IQSEC3: variants seen among roughly 807,000 people sequenced by gnomAD.
The protein encoded by IQSEC3 is IQ motif and SEC7 domain-containing protein 3.
In IQSEC3, 50 loss-of-function variants were observed where a neutral mutation model predicts 105.4. The observed-to-expected ratio is 0.47, with a 90% CI of 0.38 to 0.60. IQSEC3 has a LOEUF of 0.60. Ranked by LOEUF, IQSEC3 falls within the 20% of genes least tolerant of loss-of-function variation. IQSEC3 has a pLI of 0.00. For missense variants in IQSEC3, 1,415 were observed against 1,630.0 expected, an observed-to-expected ratio of 0.87 and a Z score of 2.27; for synonymous variants, 708 against 746.0, an observed-to-expected ratio of 0.95 and a Z score of 0.83.
At chr12:114,225 A>C (rs1412828434) in intron 2 of IQSEC3, among the ~76,000 whole-genome samples, 2 of 152,240 alleles carry the variant, frequency 1.3e-5, no homozygotes, top group Non-Finnish European at 2.9e-5. Flanking sequence ...CTAGAAATTC[A>C]GATATGACTA....
intron 5 of IQSEC3, among the ~76,000 whole-genome samples, chr12:155,208 G>A (rs553373334): frequency 3.3e-5 from 5 of 152,328 alleles, no homozygotes; most frequent in African/African-American, 1.2e-4. Flanking sequence ...CTCTCGCCTG[G>A]CTGGCTCTGG....
chr12:74,375 A>G (rs1863437693), intron 1 of IQSEC3, among the ~76,000 whole-genome samples: 1 of 152,242 alleles, frequency 6.6e-6, no homozygotes, highest in African/African-American at 2.4e-5. Context: ...AAAACAAATG[A>G]AAAAGAAAAG....
intron 7 of IQSEC3, among the ~76,000 whole-genome samples, chr12:158,354 T>C (rs1167892633): frequency 6.6e-6 from 1 of 152,358 alleles, no homozygotes; most frequent in Non-Finnish European, 1.5e-5. Context: ...TCTGTATCGA[T>C]AAACCGCAGG....
intron 1 of IQSEC3, among the ~76,000 whole-genome samples, chr12:93,030 T>G (rs1047686819): frequency 8.5e-5 from 13 of 152,242 alleles, no homozygotes; most frequent in Non-Finnish European, 1.5e-5. Flanking sequence ...TTGTGTGGCC[T>G]TTGCCTTTAT....
chr12:88,052 G>A (rs995417778), intron 1 of IQSEC3, among the ~76,000 whole-genome samples: 1 of 152,176 alleles, frequency 6.6e-6, no homozygotes. Flanking sequence ...GACTGGACAC[G>A]GCAGAGCTGG....
rs1591753250 is a variant in IQSEC3, at chr12:166,087, G to A, written c.2971+197G>A. 1.1e-5 allele frequency: 7 copies of A among 616,678 alleles called. No homozygotes were observed. In the South Asian group the frequency reaches 1.4e-4, roughly 12 times the overall value. 38.2% of individuals were successfully genotyped at this position (616,678 alleles called of 1,614,324 possible). On this transcript the variant is annotated intron_variant, in intron 11 of 13. Coordinates refer to ENST00000538872, the MANE Select transcript of IQSEC3 (RefSeq NM_001170738.2). ...CATGTTTCTTCACAATTAAAGTGAG[G>A]CTTGCTAGAGTGCACACACGTGTGT...
rs1246255023 is a variant in IQSEC3, at chr12:125,638, G to A, written c.629G>A (p.Gly210Asp). The A allele has an allele frequency of 2.5e-5, 38 of 1,504,348 alleles. No homozygotes were observed. Among genetic ancestry groups the A allele is most frequent in the Non-Finnish European group, 3.1e-5 (35 of 1,138,814 alleles). The allele number at this position is 1,504,348 out of a possible 1,614,324, so 93.2% of individuals were successfully genotyped here. Residue 210 changes from glycine to aspartate, a missense_variant, in exon 3 of 14, where the codon GGC becomes GAC. By Grantham distance (94) the Gly-to-Asp change is moderately conservative (BLOSUM62 -1). This residue lies in a region of IQSEC3 where 720 missense variants were observed against 633.0 expected (regional missense o/e 1.14). Transcript: ENST00000538872. ...CCGTTGCCTTCTGTTCACAGTGATG[G>A]CTCCTGCACCCAGGCCGGTGGGGGC... ...ACSDLASQSD[G>D]SCTQAGGGME...
Position 176,017 on chromosome 12 carries a change from C to T in IQSEC3, c.*984C>T, listed in dbSNP as rs1476773591. On this transcript the variant is annotated 3_prime_UTR_variant, in exon 14 of 14. Coordinates refer to ENST00000538872, the MANE Select transcript of IQSEC3 (RefSeq NM_001170738.2). The surrounding 1 kb of genome is among the most constrained non-coding windows in gnomAD (Gnocchi z 4.0). ...GCTCGGCCCGAGGCAGGGCTCCCTCCTGCATGAGTCTGTGGCCTCCAGGAG... is the reference window on the plus strand; with the variant it reads ...GCTCGGCCCGAGGCAGGGCTCCCTCTTGCATGAGTCTGTGGCCTCCAGGAG... 8.7e-5 allele frequency: 13 copies of T among 149,792 alleles called. No individual in the cohort carries two copies. Among genetic ancestry groups the T allele is most frequent in the Admixed American group, 3.9e-4 (6 of 15,222 alleles). The allele number at this position is 149,792 out of a possible 1,614,324, so 9.3% of individuals were successfully genotyped here.
intron 2 of IQSEC3, among the ~76,000 whole-genome samples, chr12:109,719 C>T (rs782273379): frequency 1.3e-5 from 2 of 152,184 alleles, no homozygotes; most frequent in Non-Finnish European, 2.9e-5. Context: ...TCCCCCAGCC[C>T]TGCCAACCTC....
chr12:124,369 A>G (rs542765418), intron 2 of IQSEC3, among the ~76,000 whole-genome samples: 1 of 146,958 alleles, frequency 6.8e-6, no homozygotes, highest in East Asian at 2.0e-4. Flanking sequence ...AGCCTGGGCA[A>G]CAAGAGTGAA....
intron 2 of IQSEC3, among the ~76,000 whole-genome samples, chr12:99,828 A>T (rs782352883): frequency 6.6e-6 from 1 of 151,960 alleles, no homozygotes; most frequent in Non-Finnish European, 1.5e-5. Context: ...CGCTTCCTGG[A>T]GTTCCGTCTC....
chr12:141,734 A>C (rs1555089346), intron 5 of IQSEC3: 3 of 167,572 alleles, frequency 1.8e-5, no homozygotes, highest in African/African-American at 7.1e-5. Flanking sequence ...AGAAAAAAGA[A>C]GGGGTTAAAC....
At chr12:150,879 C>G (rs1348734776) in intron 5 of IQSEC3, among the ~76,000 whole-genome samples, 2 of 152,198 alleles carry the variant, frequency 1.3e-5, no homozygotes, top group Non-Finnish European at 2.9e-5. Flanking sequence ...GAGGATGATT[C>G]AGTAGAGGGG....
At chr12:168,870 C>T in intron 11 of IQSEC3, 143 bp from the exon 12 acceptor site, 1 of 721,876 alleles carries the variant, frequency 1.4e-6, no homozygotes, top group Non-Finnish European at 2.5e-6. Context: ...GTGGTGGGGC[C>T]AGACCCGAGG....
At chr12:85,344 C>G (rs1261149939) in intron 1 of IQSEC3, among the ~76,000 whole-genome samples, 2 of 152,238 alleles carry the variant, frequency 1.3e-5, no homozygotes, top group Non-Finnish European at 2.9e-5. Flanking sequence ...GCCAGGCACC[C>G]ATCTGCCAGG....
intron 11 of IQSEC3, chr12:167,491 CT>C (rs1218215095): frequency 6.6e-6 from 1 of 151,708 alleles, no homozygotes; most frequent in African/African-American, 2.4e-5. Flanking sequence ...ATGCTTGGCC[CT>C]TAGTCTTCAC....
chr12:93,762 G>T (rs1555074118), intron 1 of IQSEC3, among the ~76,000 whole-genome samples: 2 of 152,204 alleles, frequency 1.3e-5, no homozygotes, highest in East Asian at 1.9e-4. Context: ...GAGGTATCTG[G>T]GTTATGGGAG....
chr12:141,566 G>C (rs911248512), intron 5 of IQSEC3: 71 of 395,900 alleles, frequency 1.8e-4, no homozygotes, highest in Middle Eastern at 6.6e-4. Context: ...CTTTCTGCCT[G>C]TCACTCTCCA....
Position 139,132 on chromosome 12 carries a change from A to G in IQSEC3, c.1769A>G (p.Glu590Gly). ...TAEVGRGAEAEAGDLEQLSSS... is the reference protein window; with the variant it reads ...TAEVGRGAEAGAGDLEQLSSS... ...GAGGTGGGGAGAGGGGCCGAGGCCG[A>G]GGCAGGCGACTTGGAGCAGCTGAGC... The change falls in exon 4 of 14, where the codon GAG becomes GGG. Residue 590 changes from glutamate to glycine, a missense_variant. Transcript: ENST00000538872. 3.9e-6 allele frequency: 6 copies of G among 1,523,234 alleles called. No individual in the cohort carries two copies. The highest frequency in any genetic ancestry group is 5.3e-6 in the Non-Finnish European group (6 of 1,132,784). The allele number at this position is 1,523,234 out of a possible 1,614,324, so 94.4% of individuals were successfully genotyped here.
Sources: gnomAD v4.1 joint callset for allele counts (sites outside exome capture counted in the v4.1 genomes callset) on GRCh38, gnomAD v4.1.1 for gene constraint, gnomAD v4.1.1 regional missense constraint, Gnocchi (gnomAD v3.1) non-coding constraint, MANE v1.5 for transcripts, NCBI Gene and HGNC (gene_info 2026-07-23, HGNC 2026-07-21) for gene names.